Variants in RAB7A observed in about 807,000 individuals in gnomAD.
RAB7A encodes RAB7A, member RAS oncogene family.
In RAB7A, 2 loss-of-function variants were observed where a neutral mutation model predicts 24.5. The ratio of observed to expected loss-of-function variants is 0.08; its 90% CI spans 0.03 to 0.26. RAB7A has a LOEUF of 0.26. Among genes scored for constraint, RAB7A ranks in the 10% least tolerant of loss-of-function variants. The pLI, the probability that RAB7A is intolerant of heterozygous loss-of-function variation, is 1.00. For missense variants in RAB7A, 118 were observed against 255.7 expected, an observed-to-expected ratio of 0.46 and a Z score of 3.67; for synonymous variants, 100 against 95.9, an observed-to-expected ratio of 1.04 and a Z score of -0.25.
At chr3:128,759,477 C>G (rs561861151) in intron 1 of RAB7A, among the ~76,000 whole-genome samples, 1 of 152,324 alleles carries the variant, frequency 6.6e-6, no homozygotes, top group Admixed American at 6.5e-5. Flanking sequence ...CTGCCAAGAT[C>G]TTGTGGGCCC....
rs1205259043 is a variant in RAB7A at position 128,737,783 on chromosome 3, G to A, written c.-9+11424G>A. Reference sequence around the variant, plus strand: ...CTCATCTCAACTTCCCCAGTAGCTGGGACTACAGGCACATGCCACCACATC... The same window carrying A: ...CTCATCTCAACTTCCCCAGTAGCTGAGACTACAGGCACATGCCACCACATC... On this transcript the variant is annotated intron_variant, in intron 1 of 5. Coordinates refer to ENST00000265062, the MANE Select transcript of RAB7A (RefSeq NM_004637.6). Among the ~76,000 whole-genome samples the A allele has an allele frequency of 2.7e-5, 4 of 147,052 alleles. No individual in the cohort carries two copies. In the Admixed American group the frequency reaches 2.7e-4, roughly 10 times the overall value.
chr3:128,742,279 G>T (rs1218269381), intron 1 of RAB7A, among the ~76,000 whole-genome samples: 1 of 152,134 alleles, frequency 6.6e-6, no homozygotes, highest in African/African-American at 2.4e-5. Context: ...GACCTTCTCA[G>T]TGAGTGTTAT....
At chr3:128,743,688 C>T (rs2070579301) in intron 1 of RAB7A, among the ~76,000 whole-genome samples, 1 of 152,132 alleles carries the variant, frequency 6.6e-6, no homozygotes, top group Non-Finnish European at 1.5e-5. Context: ...TGCAGTGGCT[C>T]ATGCCTGTAA....
At chr3:128,780,018 G>C (rs1933184720) in intron 1 of RAB7A, among the ~76,000 whole-genome samples, 1 of 152,204 alleles carries the variant, frequency 6.6e-6, no homozygotes, top group African/African-American at 2.4e-5. Flanking sequence ...GTGAAGTCAT[G>C]GGACAGGGAG....
In RAB7A at chr3:128,763,870, C is replaced by CA. The variant is rs1385001690; in HGVS notation, c.-8-31490_-8-31489insA. ...ATTCACCTGTTAGATTCCCGCCCCC[C>CA]CCCCCGCCCCTGCTTTTCAACTAAT... On this transcript the variant is annotated intron_variant, in intron 1 of 5. Coordinates refer to ENST00000265062, the MANE Select transcript of RAB7A (RefSeq NM_004637.6). 2.7e-5 allele frequency among the ~76,000 whole-genome samples: 3 copies of CA among 112,930 alleles called. No individual in the cohort carries two copies. The East Asian group carries it at 1.0e-3, about 38-fold the overall frequency. 74.1% of individuals were successfully genotyped at this position (112,930 alleles called of 152,430 possible). A position where few individuals can be genotyped will look rare whatever the true frequency, so the allele number is the denominator to read the frequency against.
At chr3:128,740,921 A>G (rs1421569505) in intron 1 of RAB7A, among the ~76,000 whole-genome samples, 1 of 144,838 alleles carries the variant, frequency 6.9e-6, no homozygotes, top group African/African-American at 2.6e-5. Flanking sequence ...AAAAAAAAAA[A>G]AAGACTTGTG....
intron 1 of RAB7A, among the ~76,000 whole-genome samples, chr3:128,769,167 T>G (rs2070861588): frequency 6.6e-6 from 1 of 151,926 alleles, no homozygotes; most frequent in Non-Finnish European, 1.5e-5. Context: ...GTGCTGGGAT[T>G]ACAGGCATGA....
chr3:128,772,935 C>A (rs1298259490), intron 1 of RAB7A, among the ~76,000 whole-genome samples: 1 of 152,184 alleles, frequency 6.6e-6, no homozygotes, highest in African/African-American at 2.4e-5. Flanking sequence ...GATCTCGGCT[C>A]GCTACAACCT....
intron 3 of RAB7A, among the ~76,000 whole-genome samples, chr3:128,804,791 C>A (rs1222650957): frequency 6.6e-6 from 1 of 152,156 alleles, no homozygotes; most frequent in East Asian, 1.9e-4. Context: ...ACAGAGAAAG[C>A]TCTCTATGCT....
Position 128,800,392 on chromosome 3 carries a change from C to T in RAB7A, c.180+2323C>T, listed in dbSNP as rs141461350. ...TGGTTTTGGTAGCCATGTGGGCCAG[C>T]GAATTCAGAAATCAGAGTTCGGCCC... On this transcript the variant is annotated intron_variant, in intron 3 of 5. Transcript: ENST00000265062. 2.0e-3 allele frequency among the ~76,000 whole-genome samples: 297 copies of T among 152,238 alleles called. 1 individual carries two copies. The highest frequency in any genetic ancestry group is 6.7e-3 in the African/African-American group (280 of 41,550).
intron 1 of RAB7A, among the ~76,000 whole-genome samples, chr3:128,775,949 A>T (rs1179213212): frequency 6.6e-6 from 1 of 152,150 alleles, no homozygotes; most frequent in Non-Finnish European, 1.5e-5. Flanking sequence ...TATACAGTAC[A>T]CTGTTATTAA....
At chr3:128,733,848 A>G (rs954018503) in intron 1 of RAB7A, among the ~76,000 whole-genome samples, 15 of 152,212 alleles carry the variant, frequency 9.9e-5, no homozygotes, top group South Asian at 2.1e-4. Flanking sequence ...AAGAGTATCT[A>G]TTCTGCTCTA....
chr3:128,730,020 A>G (rs1418390559), intron 1 of RAB7A, among the ~76,000 whole-genome samples: 2 of 152,184 alleles, frequency 1.3e-5, no homozygotes, highest in African/African-American at 4.8e-5. Context: ...GAAGGCTACC[A>G]TTGTATTCTC....
intron 1 of RAB7A, among the ~76,000 whole-genome samples, chr3:128,736,730 A>C (rs907996205): frequency 1.3e-5 from 2 of 152,204 alleles, no homozygotes; most frequent in African/African-American, 4.8e-5. Flanking sequence ...ATTCCAGCAC[A>C]GGAATGACAC....
intron 1 of RAB7A, among the ~76,000 whole-genome samples, chr3:128,757,601 C>T (rs2070740935): frequency 6.6e-6 from 1 of 150,952 alleles, no homozygotes; most frequent in Non-Finnish European, 1.5e-5. Flanking sequence ...CTCACTGCAA[C>T]CTCTGCCTCC....
At chr3:128,765,442 G>A (rs1576284311) in intron 1 of RAB7A, among the ~76,000 whole-genome samples, 2 of 152,112 alleles carry the variant, frequency 1.3e-5, no homozygotes, top group Admixed American at 1.3e-4. Context: ...CTAAAATGAA[G>A]AAATCCCTTA....
chr3:128,758,266 G>GTTTTTTT (rs1261789868), intron 1 of RAB7A, among the ~76,000 whole-genome samples: 1 of 124,372 alleles, frequency 8.0e-6, no homozygotes, highest in African/African-American at 3.3e-5. Context: ...CCCAGTGTTT[G>GTTTTTTT]TTTTTTTGTT....
chr3:128,810,858 A>G (rs1933908917), intron 5 of RAB7A, among the ~76,000 whole-genome samples: 1 of 152,172 alleles, frequency 6.6e-6, no homozygotes, highest in African/African-American at 2.4e-5. Context: ...GTTCAAGACC[A>G]GCCTGGCCAA....
intron 1 of RAB7A, among the ~76,000 whole-genome samples, chr3:128,733,451 G>A (rs561515131): frequency 6.6e-6 from 1 of 152,286 alleles, no homozygotes; most frequent in Admixed American, 6.5e-5. Context: ...GAGTTTTAGG[G>A]TATGTGTCTG....
Sources: gnomAD v4.1 joint callset for allele counts (sites outside exome capture counted in the v4.1 genomes callset) on GRCh38, gnomAD v4.1.1 for gene constraint, MANE v1.5 for transcripts, NCBI Gene and HGNC (gene_info 2026-07-23, HGNC 2026-07-21) for gene names.